The following CSMD1 variants were observed in gnomAD, a reference collection of about 807,000 sequenced individuals.
CSMD1 encodes the protein CUB and sushi domain-containing protein 1.
CSMD1 carries 213 observed loss-of-function variants against 417.5 expected under a neutral mutation model. The observed-to-expected ratio is 0.51, with a 90% CI of 0.46 to 0.57. CSMD1 has a LOEUF of 0.57. CSMD1 is among the 20% of genes least tolerant of loss of function. The pLI, the probability that CSMD1 is intolerant of heterozygous loss-of-function variation, is 0.00. For missense variants in CSMD1, 6,923 were observed against 4,529.7 expected, an observed-to-expected ratio of 1.53 and a Z score of -15.17; for synonymous variants, 2,862 against 1,736.8, an observed-to-expected ratio of 1.65 and a Z score of -16.11.
intron 52 of CSMD1, among the ~76,000 whole-genome samples, chr8:3,010,754 T>A (rs1248547511): frequency 6.6e-6 from 1 of 152,090 alleles, no homozygotes; most frequent in African/African-American, 2.4e-5. Context: ...AACTTTTTTT[T>A]TTTTTTTGAG....
chr8:3,527,710 A>G (rs2117489991), intron 10 of CSMD1, among the ~76,000 whole-genome samples: 1 of 152,182 alleles, frequency 6.6e-6, no homozygotes, highest in Non-Finnish European at 1.5e-5. Context: ...TGTGACCCTT[A>G]CCACTGGTGG....
chr8:3,891,339 C>T (rs575415346), intron 5 of CSMD1, among the ~76,000 whole-genome samples: 18 of 152,210 alleles, frequency 1.2e-4, no homozygotes, highest in South Asian at 4.1e-4. Flanking sequence ...CGTGAGCCAC[C>T]GCGCCTATCC....
intron 5 of CSMD1, among the ~76,000 whole-genome samples, chr8:3,762,242 C>A (rs759378248): frequency 5.3e-5 from 8 of 152,192 alleles, no homozygotes; most frequent in Non-Finnish European, 1.0e-4. Flanking sequence ...TCATCCCATG[C>A]GCTGTCCCTT....
intron 1 of CSMD1, among the ~76,000 whole-genome samples, chr8:4,924,655 G>C (rs1288715940): frequency 7.3e-6 from 1 of 136,758 alleles, no homozygotes; most frequent in Non-Finnish European, 1.5e-5. Flanking sequence ...CTGGGAGGTG[G>C]AGGTTGCAGT....
At chr8:4,912,122 C>CAAAAAAAAAAAAAAAAA (rs36194482) in intron 1 of CSMD1, among the ~76,000 whole-genome samples, 19 of 84,522 alleles carry the variant, frequency 2.2e-4, no homozygotes, top group Non-Finnish European at 3.5e-4. Flanking sequence ...AACATAGCTT[C>CAAAAAAAAAAAAAAAAA]AAAAAAAAAA....
At chr8:4,020,150 C>T (rs1446915911) in intron 4 of CSMD1, among the ~76,000 whole-genome samples, 1 of 152,048 alleles carries the variant, frequency 6.6e-6, no homozygotes, top group Non-Finnish European at 1.5e-5. Flanking sequence ...TGGGTTATGC[C>T]ATTTAATCTT....
chr8:4,190,802 C>T (rs909598635), intron 3 of CSMD1, among the ~76,000 whole-genome samples: 3 of 152,096 alleles, frequency 2.0e-5, no homozygotes, highest in African/African-American at 7.2e-5. Flanking sequence ...TCTGCAGGGA[C>T]ATGGATGGAG....
intron 10 of CSMD1, among the ~76,000 whole-genome samples, chr8:3,551,845 A>G (rs1798929578): frequency 6.6e-6 from 1 of 152,082 alleles, no homozygotes; most frequent in Admixed American, 6.5e-5. Context: ...GGCTTTAGCT[A>G]CTGAAAGATG....
At chr8:3,462,653 A>C (rs191766410) in intron 12 of CSMD1, among the ~76,000 whole-genome samples, 3,667 of 152,148 alleles carry the variant, frequency 0.024, 171 homozygotes, top group African/African-American at 0.083. Flanking sequence ...TAATTATTTT[A>C]TTACACATTA....
intron 2 of CSMD1, among the ~76,000 whole-genome samples, chr8:4,459,237 C>A (rs899889013): frequency 2.6e-5 from 4 of 152,192 alleles, no homozygotes; most frequent in Admixed American, 1.3e-4. Flanking sequence ...GTATGGGAGG[C>A]TCAACTCCAG....
intron 7 of CSMD1, among the ~76,000 whole-genome samples, chr8:3,644,455 G>C (rs975119293): frequency 3.9e-5 from 6 of 152,178 alleles, no homozygotes; most frequent in East Asian, 1.9e-4. Flanking sequence ...AAAGAAAAGA[G>C]AGCAACTCTA....
At chr8:4,442,892 A>G (rs759648015) in intron 2 of CSMD1, among the ~76,000 whole-genome samples, 47 of 152,164 alleles carry the variant, frequency 3.1e-4, no homozygotes, top group Non-Finnish European at 5.4e-4. Context: ...GTTTACAGTG[A>G]ACAGATGTTT....
chr8:3,478,881 G>C (rs542621594), intron 11 of CSMD1, among the ~76,000 whole-genome samples: 25 of 152,226 alleles, frequency 1.6e-4, no homozygotes, highest in East Asian at 1.2e-3. Flanking sequence ...GAGGCCCTTC[G>C]TCCCAGTAGG....
chr8:4,889,626 T>G (rs1803976752), intron 1 of CSMD1, among the ~76,000 whole-genome samples: 5 of 152,224 alleles, frequency 3.3e-5, no homozygotes. Flanking sequence ...GGCTTAAGGT[T>G]ACTGGTAGCC....
At chr8:3,267,589 C>T (rs1286962649) in intron 26 of CSMD1, among the ~76,000 whole-genome samples, 5 of 152,120 alleles carry the variant, frequency 3.3e-5, no homozygotes, top group African/African-American at 9.7e-5. Flanking sequence ...TGGTAAGAGA[C>T]TTTGAGGATG....
At chr8:3,669,280 A>G (rs546856745) in intron 7 of CSMD1, among the ~76,000 whole-genome samples, 1 of 152,150 alleles carries the variant, frequency 6.6e-6, no homozygotes, top group African/African-American at 2.4e-5. Flanking sequence ...GTGTTTTCTC[A>G]TCTGTCATTT....
chr8:4,165,825 T>C (rs1025390948), intron 3 of CSMD1, among the ~76,000 whole-genome samples: 17 of 152,220 alleles, frequency 1.1e-4, no homozygotes, highest in African/African-American at 3.9e-4. Flanking sequence ...TACTAGGTTG[T>C]TGCAAAACTA....
intron 17 of CSMD1, among the ~76,000 whole-genome samples, chr8:3,395,484 T>C (rs1057422475): frequency 6.6e-6 from 1 of 152,226 alleles, no homozygotes; most frequent in Admixed American, 6.5e-5. Context: ...TATAAAATAA[T>C]ACAATTACTT....
At chr8:4,000,982 C>T (rs1194955790) in intron 4 of CSMD1, among the ~76,000 whole-genome samples, 1 of 151,658 alleles carries the variant, frequency 6.6e-6, no homozygotes, top group Non-Finnish European at 1.5e-5. Flanking sequence ...GCTGAAACTA[C>T]ATACATTCTT....
Sources: gnomAD v4.1 joint callset for allele counts (sites outside exome capture counted in the v4.1 genomes callset) on GRCh38, gnomAD v4.1.1 for gene constraint, MANE v1.5 for transcripts, NCBI Gene and HGNC (gene_info 2026-07-23, HGNC 2026-07-21) for gene names.